The following MS4A10 variants were observed in gnomAD, a reference collection of about 807,000 sequenced individuals.
MS4A10 encodes the protein membrane spanning 4-domains A10, also known as membrane-spanning 4-domains subfamily A member 10.
A neutral mutation model predicts 27.7 loss-of-function variants in MS4A10; 27 were observed. The ratio of observed to expected loss-of-function variants is 0.98; its 90% CI spans 0.72 to 1.35. The LOEUF (loss-of-function observed/expected upper bound fraction) is 1.35. MS4A10 is among the 40% of genes most tolerant of loss of function. The pLI is 0.00. For missense variants in MS4A10, 338 were observed against 324.7 expected (o/e 1.04, Z -0.32); for synonymous variants, 139 against 131.2 (o/e 1.06, Z -0.41).
rs926631826 is a variant in MS4A10 at position 60,788,323 on chromosome 11, C to G, written c.-22-1991C>G. On this transcript the variant is annotated intron_variant, in intron 1 of 7. Transcript: ENST00000308287. The stretch of plus-strand genomic sequence containing the variant: ...GAACCATTCCTACTGCCACAGCTCT[C>G]ACAAGTGAATGTCTAGGTGGAGGTA... Among the ~76,000 whole-genome samples the G allele has an allele frequency of 4.6e-4, 70 of 152,228 alleles. 4 individuals carry two copies. The highest frequency in any genetic ancestry group is 1.5e-5 in the Non-Finnish European group (1 of 68,044).
chr11:60,795,290 G>A (rs1046379909), intron 5 of MS4A10, among the ~76,000 whole-genome samples: 1 of 152,138 alleles, frequency 6.6e-6, no homozygotes, highest in Non-Finnish European at 1.5e-5. Context: ...AGGGACCCAT[G>A]AGATTCTCCA....
Position 60,792,335 on chromosome 11 carries a change from C to T in MS4A10, c.360+14C>T, listed in dbSNP as rs1854445021. ...AAAACTTACCTGGTGAGTGGGCACA[C>T]TGAGATCATTCTCTTCCATCTGAGC... is the stretch of plus-strand genomic sequence containing the variant. On this transcript the variant is annotated intron_variant, in intron 4 of 7. Transcript: ENST00000308287. 1 of 1,565,262 alleles carries T rather than the reference C, an allele frequency of 6.4e-7. No individual in the cohort carries two copies. The highest frequency in any genetic ancestry group is 1.3e-5 in the African/African-American group (1 of 74,126).
chr11:60,786,554 G>A lies in MS4A10; in HGVS notation c.-23+1133G>A, dbSNP rs79542871. 5.8e-3 allele frequency among the ~76,000 whole-genome samples: 880 copies of A among 152,136 alleles called. 6 individuals carry two copies. The highest frequency in any genetic ancestry group is 0.02 in the African/African-American group (841 of 41,472). On this transcript the variant is annotated intron_variant, in intron 1 of 7. Coordinates refer to ENST00000308287, the MANE Select transcript of MS4A10 (RefSeq NM_206893.4). Reference sequence around the variant, plus strand: ...CTCACCACTCCAGATGATAGGGACAGGGTGTATCATGTCTTAACCAAGAAC... The same window carrying A: ...CTCACCACTCCAGATGATAGGGACAAGGTGTATCATGTCTTAACCAAGAAC...
chr11:60,790,826 G>A (rs1854417309), intron 2 of MS4A10, 148 bp from the exon 3 acceptor site: 2 of 1,188,440 alleles, frequency 1.7e-6, no homozygotes, highest in Non-Finnish European at 2.4e-6. Flanking sequence ...AAATCCTGGG[G>A]AGTGGTCCTT....
chr11:60,790,308 C>A lies in MS4A10; in HGVS notation c.-22-6C>A. On this transcript the variant is annotated splice_polypyrimidine_tract_variant and splice_region_variant and intron_variant, in intron 1 of 7. Transcript: ENST00000308287. ...GGTTCTGACGGCCTTCCTCCCCGTC[C>A]TGCAGCCAGGGCCCCCATCCAGCAT... The A allele has an allele frequency of 6.2e-7, 1 of 1,611,880 alleles. No homozygotes were observed.
At chr11:60,798,580 T>C in intron 7 of MS4A10, 66 bp downstream of exon 7, 1 of 1,260,436 alleles carries the variant, frequency 7.9e-7, no homozygotes, top group Non-Finnish European at 1.2e-6. Context: ...CTCCCTGGCA[T>C]AGATAGAAAC....
chr11:60,800,347 C>T lies in MS4A10; in HGVS notation c.*438C>T, dbSNP rs1854611758. On this transcript the variant is annotated 3_prime_UTR_variant, in exon 8 of 8. Transcript: ENST00000308287. ...TATATTTTTAGTAGAGACAGGATTG[C>T]ACCATATTGGTCAGCCTGGTCTCAA... The T allele has an allele frequency of 6.0e-6, 1 of 167,946 alleles. No individual in the cohort carries two copies. Among genetic ancestry groups the T allele is most frequent in the African/African-American group, 2.4e-5 (1 of 41,888 alleles). The allele number at this position is 167,946 out of a possible 1,614,324, so 10.4% of individuals were successfully genotyped here.
rs749451012 is a variant in MS4A10 at position 60,792,257 on chromosome 11, T to TCCTG, written c.304-6_304-3dup. 1.2e-6 allele frequency: 2 copies of TCCTG among 1,613,110 alleles called. No individual in the cohort carries two copies. The highest frequency in any genetic ancestry group is 3.3e-5 in the Admixed American group (2 of 60,026). ...TTCTCTCCTTTGACTTTCAAATCTG[T>TCCTG]CCTGCAGTTTCTCATTTCAGGGATC... On this transcript the variant is annotated splice_region_variant and splice_polypyrimidine_tract_variant and intron_variant, in intron 3 of 7. Transcript: ENST00000308287.
Position 60,790,955 on chromosome 11 carries a change from TTC to T in MS4A10, c.184-13_184-12del, listed in dbSNP as rs1292836506. ...GTGACCGATGCCCTCACCCCAGCCA[TTC>T]TCTCTTCCCCACCCAGGCCTTCCAC... is the stretch of plus-strand genomic sequence containing the variant. On this transcript the variant is annotated splice_polypyrimidine_tract_variant and intron_variant, in intron 2 of 7. Transcript: ENST00000308287. 1 of 1,613,554 alleles carries T rather than the reference TTC, an allele frequency of 6.2e-7. No homozygotes were observed. Among genetic ancestry groups the T allele is most frequent in the Non-Finnish European group, 8.5e-7 (1 of 1,179,806 alleles).
rs1303564764 is a variant in MS4A10 at position 60,790,321 on chromosome 11, C to T, written c.-15C>T. On this transcript the variant is annotated 5_prime_UTR_variant, in exon 2 of 8. Transcript: ENST00000308287. ...TTCCTCCCCGTCCTGCAGCCAGGGCCCCCATCCAGCATCAATGAAAGCAGA... is the reference window on the plus strand; with the variant it reads ...TTCCTCCCCGTCCTGCAGCCAGGGCTCCCATCCAGCATCAATGAAAGCAGA... 1 of 1,613,264 alleles carries T rather than the reference C, an allele frequency of 6.2e-7. No individual in the cohort carries two copies. Among genetic ancestry groups the T allele is most frequent in the Admixed American group, 1.7e-5 (1 of 59,986 alleles).
chr11:60,790,390 T>G lies in MS4A10; in HGVS notation c.55T>G (p.Trp19Gly). Residue 19 changes from tryptophan to glycine, a missense_variant, in exon 2 of 8, where the codon TGG becomes GGG. Trp to Gly is a radical substitution (Grantham distance 184, BLOSUM62 -2). Transcript: ENST00000308287. ...PSRCARGLPSWQVLSPVQPWQ... is the reference protein window; with the variant it reads ...PSRCARGLPSGQVLSPVQPWQ... Reference sequence around the variant, plus strand: ...CCGTTGTGCTAGGGGGCTCCCATCATGGCAAGTCCTCAGCCCAGTCCAGCC... The same window carrying G: ...CCGTTGTGCTAGGGGGCTCCCATCAGGGCAAGTCCTCAGCCCAGTCCAGCC... The G allele has an allele frequency of 6.2e-7, 1 of 1,614,090 alleles. No individual in the cohort carries two copies. The highest frequency in any genetic ancestry group is 8.5e-7 in the Non-Finnish European group (1 of 1,180,002).
At chr11:60,796,197 G>GATGGATGC (rs1854529484) in intron 6 of MS4A10, among the ~76,000 whole-genome samples, 1 of 388 alleles carries the variant, frequency 2.6e-3, no homozygotes, top group Non-Finnish European at 0.056. Context: ...TGCATCCATT[G>GATGGATGC]ATGGATGGAT....
intron 5 of MS4A10, 70 bp downstream of exon 5, chr11:60,794,173 G>A (rs1854483143): frequency 6.3e-7 from 1 of 1,589,734 alleles, no homozygotes; most frequent in Non-Finnish European, 8.6e-7. Flanking sequence ...CCAACAGGAG[G>A]TTTCCAGCTC....
Position 60,791,090 on chromosome 11 carries a change from C to T in MS4A10, c.300C>T (p.Ala100=). Residue 100 remains alanine (A), a synonymous_variant, in exon 3 of 8, where the codon GCC becomes GCT. Coordinates refer to ENST00000308287, the MANE Select transcript of MS4A10 (RefSeq NM_206893.4). ...CTTGGTATCCATTCTGGGGGGCTGCCTCTGTGAGTAGAAGGCAAAACACAG... is the reference window on the plus strand; with the variant it reads ...CTTGGTATCCATTCTGGGGGGCTGCTTCTGTGAGTAGAAGGCAAAACACAG... ...LKSWYPFWGA[A]SFLISGILAI... 6.2e-7 allele frequency: 1 copy of T among 1,614,032 alleles called. No homozygotes were observed. Among genetic ancestry groups the T allele is most frequent in the Non-Finnish European group, 8.5e-7 (1 of 1,179,982 alleles).
chr11:60,793,855 G>A (rs1466792581), intron 4 of MS4A10, 117 bp from the exon 5 acceptor site: 3 of 1,207,670 alleles, frequency 2.5e-6, no homozygotes, highest in Non-Finnish European at 2.3e-6. Context: ...CTTGGGCCCA[G>A]TGACAGGCAG....
In MS4A10 at chr11:60,799,888, C is replaced by T; in HGVS notation, c.783C>T (p.Ile261=). 1 of 1,614,142 alleles carries T rather than the reference C, an allele frequency of 6.2e-7. No individual in the cohort carries two copies. The highest frequency in any genetic ancestry group is 1.1e-5 in the South Asian group (1 of 91,042). Residue 261 remains isoleucine (I), a synonymous_variant, in exon 8 of 8, where the codon ATC becomes ATT. Transcript: ENST00000308287. ...GGATAGTCACTGACGGAGCTGCGAT[C>T]TGGACCCAGACTGCAAACTGAAGAG... The part of the protein sequence containing the change: ...DTWIVTDGAA[I]WTQTAN
At chr11:60,788,834 G>A (rs1854380526) in intron 1 of MS4A10, among the ~76,000 whole-genome samples, 1 of 152,218 alleles carries the variant, frequency 6.6e-6, no homozygotes, top group South Asian at 2.1e-4. Context: ...ACCATGCGTG[G>A]TTCCAATTCC....
In MS4A10 at chr11:60,799,861, A is replaced by G. The variant is rs1172343263; in HGVS notation, c.756A>G (p.Thr252=). The part of the protein sequence containing the change: ...LREVKQVAPD[T]WIVTDGAAIW... The stretch of plus-strand genomic sequence containing the variant: ...AAGTTAAGCAAGTTGCCCCGGACAC[A>G]TGGATAGTCACTGACGGAGCTGCGA... The change falls in exon 8 of 8, where the codon ACA becomes ACG. Residue 252 remains threonine (T), a synonymous_variant. Transcript: ENST00000308287. 3 of 1,604,124 alleles carry G rather than the reference A, an allele frequency of 1.9e-6. No homozygotes were observed. The highest frequency in any genetic ancestry group is 1.7e-5 in the Admixed American group (1 of 59,856).
chr11:60,795,164 T>A (rs188851453), intron 5 of MS4A10, among the ~76,000 whole-genome samples: 19 of 152,274 alleles, frequency 1.2e-4, no homozygotes, highest in African/African-American at 4.6e-4. Context: ...GACTCCCAGC[T>A]GCACGGCTCT....
Sources: allele counts gnomAD v4.1 joint callset (sites outside exome capture counted in the v4.1 genomes callset), GRCh38; gene constraint gnomAD v4.1.1; transcripts MANE v1.5; gene names NCBI Gene and HGNC (gene_info 2026-07-23, HGNC 2026-07-21).